NDFIP2: variants seen among roughly 807,000 people sequenced by gnomAD.
The protein encoded by NDFIP2 is Nedd4 family interacting protein 2.
Under a neutral mutation model 36.0 loss-of-function variants are expected in NDFIP2, and 19 were observed. The ratio of observed to expected loss-of-function variants is 0.53; its 90% CI spans 0.37 to 0.77. NDFIP2 has a LOEUF of 0.77. Among genes scored for constraint, NDFIP2 ranks in the 30% least tolerant of loss-of-function variants. The pLI, the probability that NDFIP2 is intolerant of heterozygous loss-of-function variation, is 0.00. For missense variants in NDFIP2, 446 were observed against 435.8 expected, an observed-to-expected ratio of 1.02 and a Z score of -0.21; for synonymous variants, 181 against 167.7, an observed-to-expected ratio of 1.08 and a Z score of -0.61.
chr13:79,542,544 G>A (rs146135379), intron 4 of NDFIP2, among the ~76,000 whole-genome samples: 166 of 148,596 alleles, frequency 1.1e-3, no homozygotes, highest in South Asian at 2.7e-3. Flanking sequence ...ATAGTTTGGT[G>A]ATGGTATCTT....
At chr13:79,539,016 A>G (rs1253430575) in intron 3 of NDFIP2, among the ~76,000 whole-genome samples, 6 of 152,162 alleles carry the variant, frequency 3.9e-5, no homozygotes, top group Non-Finnish European at 7.3e-5. Context: ...CTGGCATCGA[A>G]TGCCGGCAGC....
At chr13:79,532,139 A>G (rs1444229975) in intron 2 of NDFIP2, among the ~76,000 whole-genome samples, 2 of 152,240 alleles carry the variant, frequency 1.3e-5, no homozygotes, top group Non-Finnish European at 2.9e-5. Flanking sequence ...AAAAGATACA[A>G]TAGTGGCACT....
Position 79,520,966 on chromosome 13 carries a change from A to G in NDFIP2, c.478A>G (p.Thr160Ala), listed in dbSNP as rs747282493. The change falls in exon 2 of 8, where the codon ACA becomes GCA. Residue 160 changes from threonine (T) to alanine (A), a missense_variant. Around this residue, in one of 2 missense-constraint regions of NDFIP2, gnomAD observed 369 missense variants for 304.8 expected, o/e 1.21. Transcript: ENST00000218652. The part of the protein sequence containing the change: ...PYSSITVEVP[T>A]TSDTEVYGEF... The stretch of plus-strand genomic sequence containing the variant: ...TAGTAGTATTACTGTGGAAGTACCT[A>G]CAACTTCAGGTATGAAACATCTAGT... 9 of 1,595,044 alleles carry G rather than the reference A, an allele frequency of 5.6e-6. No homozygotes were observed. The highest frequency in any genetic ancestry group is 6.8e-6 in the Non-Finnish European group (8 of 1,169,904).
chr13:79,481,300 A>G lies in NDFIP2; in HGVS notation c.97A>G (p.Asn33Asp), dbSNP rs1400139585. ...APELLRGTAT[N>D]AEVSAAAAGA... Reference sequence around the variant, plus strand: ...GGAGCTTCTCCGCGGAACCGCGACCAACGCGGAGGTCTCGGCGGCCGCTGC... The same window carrying G: ...GGAGCTTCTCCGCGGAACCGCGACCGACGCGGAGGTCTCGGCGGCCGCTGC... Residue 33 changes from asparagine (N) to aspartate (D), a missense_variant, in exon 1 of 8, where the codon AAC (asparagine) becomes GAC (aspartate). Asn to Asp is a conservative substitution (Grantham distance 23). This residue lies in a region of NDFIP2 where 369 missense variants were observed against 304.8 expected (regional missense o/e 1.21). Coordinates refer to ENST00000218652, the MANE Select transcript of NDFIP2 (RefSeq NM_019080.3). 1.4e-5 allele frequency: 22 copies of G among 1,540,766 alleles called. No individual in the cohort carries two copies. The East Asian group carries it at 2.4e-4, about 17-fold the overall frequency.
intron 1 of NDFIP2, among the ~76,000 whole-genome samples, chr13:79,484,526 A>G (rs2079831843): frequency 6.6e-6 from 1 of 152,250 alleles, no homozygotes; most frequent in South Asian, 2.1e-4. Flanking sequence ...ATTCTGCAGT[A>G]AAGACAGTGA....
intron 1 of NDFIP2, among the ~76,000 whole-genome samples, chr13:79,491,821 C>T (rs1331011752): frequency 1.3e-5 from 2 of 152,044 alleles, no homozygotes; most frequent in African/African-American, 2.4e-5. Context: ...TGTTTTCGGG[C>T]CATGTTGTTA....
At chr13:79,493,437 C>T (rs957014157) in intron 1 of NDFIP2, among the ~76,000 whole-genome samples, 1 of 152,114 alleles carries the variant, frequency 6.6e-6, no homozygotes, top group Non-Finnish European at 1.5e-5. Flanking sequence ...AATAATTCCT[C>T]TTGTAACCAG....
chr13:79,501,603 T>C (rs1278777885), intron 1 of NDFIP2, among the ~76,000 whole-genome samples: 1 of 152,142 alleles, frequency 6.6e-6, no homozygotes, highest in East Asian at 1.9e-4. Flanking sequence ...ATTCTGAAGT[T>C]ATTCAAATTA....
chr13:79,481,409 C>T lies in NDFIP2; in HGVS notation c.206C>T (p.Ser69Leu). The T allele has an allele frequency of 6.4e-7, 1 of 1,557,022 alleles. No homozygotes were observed. The highest frequency in any genetic ancestry group is 8.7e-7 in the Non-Finnish European group (1 of 1,150,212). The change falls in exon 1 of 8, where the codon TCG becomes TTG. Residue 69 changes from serine (S) to leucine (L), a missense_variant. Ser to Leu is a moderately radical substitution (Grantham distance 145). Around this residue, in one of 2 missense-constraint regions of NDFIP2, gnomAD observed 369 missense variants for 304.8 expected, o/e 1.21. Transcript: ENST00000218652. ...GGGRGPAATT[S>L]STGVAVGAEH... is the part of the protein sequence containing the mutation. Reference sequence around the variant, plus strand: ...GGAAGGGGCCCTGCGGCGACGACGTCGTCGACGGGGGTGGCCGTGGGAGCT... The same window carrying T: ...GGAAGGGGCCCTGCGGCGACGACGTTGTCGACGGGGGTGGCCGTGGGAGCT...
At chr13:79,499,450 G>C (rs1873571874) in intron 1 of NDFIP2, among the ~76,000 whole-genome samples, 1 of 151,868 alleles carries the variant, frequency 6.6e-6, no homozygotes, top group Non-Finnish European at 1.5e-5. Context: ...TGTTTACACA[G>C]GAGTTGATTA....
At chr13:79,516,014 A>G (rs1874306969) in intron 1 of NDFIP2, among the ~76,000 whole-genome samples, 1 of 151,886 alleles carries the variant, frequency 6.6e-6, no homozygotes. Context: ...ACTGAGGACA[A>G]GAGGTTCATG....
rs1441884765 is a variant in NDFIP2, at chr13:79,520,846, A to G, written c.358A>G (p.Ile120Val). The part of the protein sequence containing the change: ...NEEDNSESSA[I>V]EQPPTSNPAP... ...AGAGGATAACTCAGAATCATCGGCT[A>G]TAGAGCAGCCACCTACTTCAAACCC... The change falls in exon 2 of 8, where the codon ATA becomes GTA. Residue 120 changes from isoleucine to valine, a missense_variant. This residue lies in a region of NDFIP2 where 369 missense variants were observed against 304.8 expected (regional missense o/e 1.21). Coordinates refer to ENST00000218652, the MANE Select transcript of NDFIP2 (RefSeq NM_019080.3). 6.2e-6 allele frequency: 10 copies of G among 1,613,838 alleles called. No homozygotes were observed. In the African/African-American group the frequency reaches 8.0e-5, roughly 13 times the overall value.
At position 79,552,862 on chromosome 13, in the gene NDFIP2, G is replaced by T. The variant is rs924375967; in HGVS notation, c.*349G>T. 6.6e-6 allele frequency: 1 copy of T among 151,862 alleles called. No homozygotes were observed. Among genetic ancestry groups the T allele is most frequent in the African/African-American group, 2.4e-5 (1 of 41,382 alleles). The allele number at this position is 151,862 out of a possible 1,614,324, so 9.4% of individuals were successfully genotyped here. A position where few individuals can be genotyped will look rare whatever the true frequency, so the allele number is the denominator to read the frequency against. Reference sequence around the variant, plus strand: ...GAGTGGATAAACAGTCTTCCAGCTTGTAAATGCCATTGACTTCTGACCTGA... The same window carrying T: ...GAGTGGATAAACAGTCTTCCAGCTTTTAAATGCCATTGACTTCTGACCTGA... On this transcript the variant is annotated 3_prime_UTR_variant, in exon 8 of 8. Transcript: ENST00000218652.
intron 1 of NDFIP2, among the ~76,000 whole-genome samples, chr13:79,483,566 A>G (rs2079827515): frequency 6.6e-6 from 1 of 152,184 alleles, no homozygotes; most frequent in Non-Finnish European, 1.5e-5. Context: ...TTGAATGTTA[A>G]GGGATGACTA....
intron 1 of NDFIP2, among the ~76,000 whole-genome samples, chr13:79,490,544 A>C (rs867700574): frequency 6.6e-5 from 10 of 152,168 alleles, no homozygotes; most frequent in Non-Finnish European, 1.2e-4. Flanking sequence ...TCTCTGTCAC[A>C]GCTACTCAGA....
intron 1 of NDFIP2, among the ~76,000 whole-genome samples, chr13:79,494,922 A>G (rs60119719): frequency 0.043 from 6,498 of 151,782 alleles, 481 homozygotes; most frequent in African/African-American, 0.15. Context: ...TTTTCTGTCA[A>G]TTTTATTCAT....
In NDFIP2 at chr13:79,555,820, T is replaced by C. The variant is rs1876090159; in HGVS notation, c.*3307T>C. ...AAAACATGCTGGCATGTATTTTACT[T>C]GTTAATAAAGTTGTATAGATGTGGA... On this transcript the variant is annotated 3_prime_UTR_variant, in exon 8 of 8. Transcript: ENST00000218652. 1 of 152,108 alleles carries C rather than the reference T, an allele frequency of 6.6e-6. No homozygotes were observed. The highest frequency in any genetic ancestry group is 1.9e-4 in the East Asian group (1 of 5,198). The allele number at this position is 152,108 out of a possible 1,614,324, so 9.4% of individuals were successfully genotyped here. A position where few individuals can be genotyped will look rare whatever the true frequency, so the allele number is the denominator to read the frequency against.
At chr13:79,543,831 C>A in intron 5 of NDFIP2, 149 bp downstream of exon 5, 2 of 974,384 alleles carry the variant, frequency 2.1e-6, no homozygotes, top group Non-Finnish European at 1.5e-6. Flanking sequence ...TTATAGTGAG[C>A]TCTGTGGTAT....
intron 2 of NDFIP2, among the ~76,000 whole-genome samples, chr13:79,531,062 A>G (rs997889976): frequency 6.6e-6 from 1 of 152,232 alleles, no homozygotes; most frequent in Non-Finnish European, 1.5e-5. Flanking sequence ...GAAAGTCAGA[A>G]TGACCCCTTG....
Sources: allele counts gnomAD v4.1 joint callset (sites outside exome capture counted in the v4.1 genomes callset), GRCh38; gene constraint gnomAD v4.1.1; regional missense constraint gnomAD v4.1.1; transcripts MANE v1.5; gene names NCBI Gene and HGNC (gene_info 2026-07-23, HGNC 2026-07-21).